MME: variants seen among roughly 807,000 people sequenced by gnomAD.
MME encodes the protein neprilysin.
A neutral mutation model predicts 113.2 loss-of-function variants in MME; 98 were observed. The ratio of observed to expected loss-of-function variants is 0.87; its 90% CI spans 0.74 to 1.02. The LOEUF (loss-of-function observed/expected upper bound fraction) is 1.02. MME is among the 50% of genes least tolerant of loss of function. The pLI, the probability that MME is intolerant of heterozygous loss-of-function variation, is 0.00. For missense variants in MME, 836 were observed against 896.0 expected (o/e 0.93, Z 0.86); for synonymous variants, 292 against 300.6 (o/e 0.97, Z 0.30).
At chr3:155,155,547 T>C (rs1722252842) in intron 16 of MME, among the ~76,000 whole-genome samples, 1 of 152,124 alleles carries the variant, frequency 6.6e-6, no homozygotes, top group African/African-American at 2.4e-5. Context: ...CCTACTATGC[T>C]CCCACCACTG....
Position 155,142,336 on chromosome 3 carries a change from G to GA in MME, c.1188+12dup, listed in dbSNP as rs536950859. On this transcript the variant is annotated splice_region_variant and intron_variant, in intron 12 of 22. Transcript: ENST00000360490. Reference sequence around the variant, plus strand: ...CCAGAAATGCTTTCCGCAAGGTGAAGAAAAAATCTCTCTTTTCTTAAGACT... The same window carrying GA: ...CCAGAAATGCTTTCCGCAAGGTGAAGAAAAAAATCTCTCTTTTCTTAAGACT... 9.3e-5 allele frequency: 150 copies of GA among 1,608,040 alleles called. 1 individual carries two copies. The African/African-American group carries it at 1.0e-3, about 11-fold the overall frequency.
intron 17 of MME, among the ~76,000 whole-genome samples, chr3:155,162,074 C>T (rs1286042473): frequency 6.6e-6 from 1 of 152,172 alleles, no homozygotes; most frequent in Non-Finnish European, 1.5e-5. Flanking sequence ...GCAACTTAGA[C>T]TCCTTAGTGC....
chr3:155,054,047 C>A (rs1713848240), intron 1 of MME, among the ~76,000 whole-genome samples: 1 of 152,200 alleles, frequency 6.6e-6, no homozygotes, highest in Non-Finnish European at 1.5e-5. Context: ...TGCCAGCAAT[C>A]ACCAGAAGCT....
chr3:155,091,866 C>T (rs1272273046), intron 3 of MME, among the ~76,000 whole-genome samples: 1 of 152,120 alleles, frequency 6.6e-6, no homozygotes, highest in African/African-American at 2.4e-5. Context: ...TGTTTTGATC[C>T]TATTTCTGAA....
intron 1 of MME, among the ~76,000 whole-genome samples, chr3:155,044,254 T>G (rs1288745769): frequency 6.6e-6 from 1 of 151,398 alleles, no homozygotes; most frequent in Non-Finnish European, 1.5e-5. Flanking sequence ...TGCCTCAGCT[T>G]CTGGAGTAGC....
In MME at chr3:155,172,248, C is replaced by A. The variant is rs41267911; in HGVS notation, c.2076+36C>A. 0.023 allele frequency: 31,842 copies of A among 1,373,382 alleles called. 854 individuals carry two copies. Among genetic ancestry groups the A allele is most frequent in the East Asian group, 0.13 (5,452 of 43,520 alleles). 85.1% of individuals were successfully genotyped at this position (1,373,382 alleles called of 1,614,324 possible). A position where few individuals can be genotyped will look rare whatever the true frequency, so the allele number is the denominator to read the frequency against. On this transcript the variant is annotated intron_variant, in intron 21 of 22. Coordinates refer to ENST00000360490, the MANE Select transcript of MME (RefSeq NM_007289.4). ...TTTCTTGATTGATAGATATGAAAAC[C>A]ATTTTGAGTTATAATTTCACAGTAA... is the stretch of plus-strand genomic sequence containing the variant.
chr3:155,056,386 T>C (rs113066261), intron 1 of MME, among the ~76,000 whole-genome samples: 6,336 of 148,764 alleles, frequency 0.043, 149 homozygotes, highest in African/African-American at 0.05. Context: ...TGTCCATGTG[T>C]TCTCACTGTT....
At chr3:155,113,115 G>T (rs571927483) in intron 3 of MME, among the ~76,000 whole-genome samples, 1 of 152,284 alleles carries the variant, frequency 6.6e-6, no homozygotes, top group Non-Finnish European at 1.5e-5. Flanking sequence ...GCTGTGGGAT[G>T]AGGAGGTTAA....
upstream of MME, among the ~76,000 whole-genome samples, chr3:155,077,295 C>A (rs1714779650): frequency 6.6e-6 from 1 of 152,206 alleles, no homozygotes; most frequent in Non-Finnish European, 1.5e-5. Context: ...AGGATCCATT[C>A]TGCAAACTGC....
intron 21 of MME, 87 bp from the exon 22 acceptor site, chr3:155,172,449 T>C: frequency 9.1e-7 from 1 of 1,104,152 alleles, no homozygotes; most frequent in South Asian, 1.2e-5. Context: ...TCCAATTTAA[T>C]TTTTCTCCTT....
intron 1 of MME, among the ~76,000 whole-genome samples, chr3:155,063,675 A>ATATT (rs1368731592): frequency 8.2e-6 from 1 of 122,580 alleles, no homozygotes. Context: ...ATTATATATT[A>ATATT]TATTATATTA....
intron 10 of MME, among the ~76,000 whole-genome samples, chr3:155,141,541 A>T (rs546996275): frequency 6.6e-6 from 1 of 152,292 alleles, no homozygotes; most frequent in East Asian, 1.9e-4. Context: ...CACTGCTATA[A>T]CAGTATATTT....
intron 3 of MME, chr3:155,112,437 C>T (rs1718266006): frequency 1.3e-5 from 2 of 152,128 alleles, no homozygotes; most frequent in Admixed American, 6.5e-5. Flanking sequence ...TGACAGATGG[C>T]TCATGCGAGA....
intron 1 of MME, 125 bp downstream of exon 1, chr3:155,080,591 C>T (rs1559903473): frequency 6.6e-6 from 1 of 152,050 alleles, no homozygotes; most frequent in Non-Finnish European, 1.5e-5. Flanking sequence ...ACCTGATTTC[C>T]TATTATATAA....
intron 1 of MME, among the ~76,000 whole-genome samples, chr3:155,082,441 G>A (rs370533640): frequency 2.0e-5 from 3 of 152,142 alleles, no homozygotes; most frequent in East Asian, 3.8e-4. Context: ...TCTCTGTAAA[G>A]TGTCCAGAGT....
intron 1 of MME, among the ~76,000 whole-genome samples, chr3:155,064,322 A>G (rs1385107113): frequency 6.6e-6 from 1 of 152,086 alleles, no homozygotes; most frequent in Non-Finnish European, 1.5e-5. Flanking sequence ...TATAACAAAT[A>G]TATGTATATA....
chr3:155,102,984 C>T (rs1013085850), intron 3 of MME, among the ~76,000 whole-genome samples: 1 of 152,172 alleles, frequency 6.6e-6, no homozygotes, highest in African/African-American at 2.4e-5. Context: ...CTGCCTGGGA[C>T]ACAGCTCAGA....
chr3:155,134,411 T>G (rs1720451855), intron 8 of MME, among the ~76,000 whole-genome samples: 1 of 152,166 alleles, frequency 6.6e-6, no homozygotes, highest in Non-Finnish European at 1.5e-5. Context: ...TCTTCCTGCA[T>G]TAATTCACTT....
intron 8 of MME, among the ~76,000 whole-genome samples, chr3:155,133,077 A>ATATATATATATATATATATATG (rs1425770243): frequency 7.2e-6 from 1 of 138,548 alleles, no homozygotes; most frequent in Non-Finnish European, 1.6e-5. Context: ...ATATATATAT[A>ATATATATATATATATATATATG]TATGTATAAA....
Sources: allele counts gnomAD v4.1 joint callset (sites outside exome capture counted in the v4.1 genomes callset), GRCh38; gene constraint gnomAD v4.1.1; transcripts MANE v1.5; gene names NCBI Gene and HGNC (gene_info 2026-07-23, HGNC 2026-07-21).